The following NHLRC3 variants were observed in gnomAD, a reference collection of about 807,000 sequenced individuals.
The protein encoded by NHLRC3 is NHL repeat-containing protein 3.
NHLRC3 carries 23 observed loss-of-function variants against 32.0 expected under a neutral mutation model. The observed-to-expected ratio is 0.72, with a 90% CI of 0.52 to 1.02. NHLRC3 has a LOEUF of 1.02. Among genes scored for constraint, NHLRC3 ranks in the 50% least tolerant of loss-of-function variants. The pLI is 0.00. For synonymous variants in NHLRC3, 159 were observed against 147.9 expected, an observed-to-expected ratio of 1.08 and a Z score of -0.55; for missense variants, 407 against 406.8, an observed-to-expected ratio of 1.00 and a Z score of -0.01.
At chr13:39,044,758 A>G (rs773999126) in intron 5 of NHLRC3, among the ~76,000 whole-genome samples, 10 of 152,176 alleles carry the variant, frequency 6.6e-5, no homozygotes, top group South Asian at 2.1e-4. Context: ...TCTCTTTTGC[A>G]TTTACTCAAT....
Position 39,047,076 on chromosome 13 carries a change from G to A in NHLRC3, c.715G>A (p.Val239Ile), listed in dbSNP as rs375901249. The change falls in exon 6 of 7, where the codon GTA becomes ATA. Residue 239 changes from valine (V) to isoleucine (I), a missense_variant. Val to Ile is a conservative substitution (Grantham distance 29, BLOSUM62 3). Coordinates refer to ENST00000379600, the MANE Select transcript of NHLRC3 (RefSeq NM_001012754.4). ...VADRGNKRIQ[V>I]FDKDTGEWLG... is the part of the protein sequence containing the mutation. ...TGACCGAGGAAATAAAAGAATCCAA[G>A]TATTTGATAAAGACACTGGGGAGTG... 4.3e-6 allele frequency: 7 copies of A among 1,613,002 alleles called. No individual in the cohort carries two copies. In the African/African-American group the frequency reaches 8.0e-5, roughly 18 times the overall value.
intron 5 of NHLRC3, 22 bp from the exon 6 acceptor site, chr13:39,047,018 G>A (rs747331476): frequency 1.4e-6 from 2 of 1,417,366 alleles, no homozygotes; most frequent in African/African-American, 2.8e-5. Context: ...TTTTTCAATT[G>A]ACATTTTTGT....
chr13:39,049,558 A>G lies in NHLRC3; in HGVS notation c.*1632A>G, dbSNP rs1157159060. On this transcript the variant is annotated 3_prime_UTR_variant, in exon 7 of 7. Transcript: ENST00000379600. ...TAACAAAGGCCCTTCTAAATGTGCT[A>G]TTTATTTGACAATAACTATCAGATT... The G allele has an allele frequency of 1.3e-5, 2 of 152,230 alleles. No individual in the cohort carries two copies. The highest frequency in any genetic ancestry group is 1.3e-4 in the Admixed American group (2 of 15,284). The allele number at this position is 152,230 out of a possible 1,614,324, so 9.4% of individuals were successfully genotyped here. A position where few individuals can be genotyped will look rare whatever the true frequency, so the allele number is the denominator to read the frequency against.
chr13:39,039,091 TACC>T, intron 1 of NHLRC3, 42 bp from the exon 2 acceptor site: 4 of 1,465,230 alleles, frequency 2.7e-6, no homozygotes, highest in Non-Finnish European at 2.9e-6. Flanking sequence ...TTTTTGTTCT[TACC>T]TAGACGGTAA....
chr13:39,044,269 CTG>C, intron 5 of NHLRC3, 88 bp downstream of exon 5: 1 of 673,034 alleles, frequency 1.5e-6, no homozygotes, highest in Admixed American at 2.3e-5. Flanking sequence ...GTGTGTGTGT[CTG>C]GGCATGTATA....
chr13:39,039,078 C>CCA, intron 1 of NHLRC3, 58 bp from the exon 2 acceptor site: 6 of 1,038,052 alleles, frequency 5.8e-6, no homozygotes, highest in Non-Finnish European at 8.7e-6. Flanking sequence ...CCCCCCCGCC[C>CCA]TTTTTTTGTT....
intron 3 of NHLRC3, 29 bp from the exon 4 acceptor site, chr13:39,042,076 T>C (rs1209433013): frequency 2.3e-6 from 3 of 1,309,262 alleles, no homozygotes; most frequent in Non-Finnish European, 3.3e-6. Flanking sequence ...GTGGTTTTAT[T>C]TGTGAGATGT....
At chr13:39,047,436 G>A (rs552805039) in intron 6 of NHLRC3, among the ~76,000 whole-genome samples, 1 of 152,178 alleles carries the variant, frequency 6.6e-6, no homozygotes, top group East Asian at 1.9e-4. Context: ...ATTTCATTTT[G>A]TGGACTATGA....
intron 5 of NHLRC3, among the ~76,000 whole-genome samples, chr13:39,045,553 A>C (rs1198269666): frequency 6.6e-6 from 1 of 152,230 alleles, no homozygotes; most frequent in African/African-American, 2.4e-5. Flanking sequence ...AAGGTTAGTC[A>C]GTTCCAGACT....
upstream of NHLRC3, chr13:39,038,445 C>A (rs1254424001): frequency 1.7e-6 from 1 of 600,964 alleles, no homozygotes; most frequent in Admixed American, 2.9e-5. Context: ...AACTGGTCTT[C>A]TGTGATTTTC....
At chr13:39,039,481 T>C (rs557509811) in intron 2 of NHLRC3, 83 bp from the exon 3 acceptor site, 1 of 1,305,744 alleles carries the variant, frequency 7.7e-7, no homozygotes, top group Non-Finnish European at 1.1e-6. Context: ...AGTAAAATTC[T>C]CAGTTATTTT....
rs369355702 is a variant in NHLRC3 at position 39,043,914 on chromosome 13, T to TA, written c.587-166dup. Reference sequence around the variant, plus strand: ...ATTCCCTAAAGCAGAGAAGGAACTTTAAAAAAAAAACTGTAAGAAATGGGC... The same window carrying TA: ...ATTCCCTAAAGCAGAGAAGGAACTTTAAAAAAAAAAACTGTAAGAAATGGGC... On this transcript the variant is annotated intron_variant, in intron 4 of 6. Coordinates refer to ENST00000379600, the MANE Select transcript of NHLRC3 (RefSeq NM_001012754.4). Among the ~76,000 whole-genome samples the TA allele has an allele frequency of 4.8e-3, 708 of 148,138 alleles. 9 individuals are homozygous for TA. Among genetic ancestry groups the TA allele is most frequent in the African/African-American group, 0.016 (668 of 40,488 alleles).
At chr13:39,044,229 T>TGG in intron 5 of NHLRC3, 48 bp downstream of exon 5, 1 of 774,070 alleles carries the variant, frequency 1.3e-6, no homozygotes, top group African/African-American at 2.1e-5. Flanking sequence ...CTGAATATGT[T>TGG]TGTGTGTGTG....
chr13:39,046,822 A>G (rs1423900992), intron 5 of NHLRC3, among the ~76,000 whole-genome samples: 1 of 152,204 alleles, frequency 6.6e-6, no homozygotes, highest in African/African-American at 2.4e-5. Context: ...TTGGGTTAAG[A>G]CAGCTTTGGG....
chr13:39,040,733 C>T (rs1269416325), intron 3 of NHLRC3: 2 of 152,162 alleles, frequency 1.3e-5, no homozygotes, highest in Admixed American at 6.5e-5. Flanking sequence ...GAGAGACATC[C>T]TGGTTCTACA....
intron 1 of NHLRC3, 44 bp downstream of exon 1, chr13:39,038,767 C>T (rs368183275): frequency 4.6e-6 from 7 of 1,522,230 alleles, no homozygotes; most frequent in Non-Finnish European, 6.4e-6. Flanking sequence ...GTGCGGGTAG[C>T]CCTGTTGGGA....
At chr13:39,040,234 A>G (rs1473288609) in intron 3 of NHLRC3, 7 of 151,962 alleles carry the variant, frequency 4.6e-5, no homozygotes, top group African/African-American at 1.5e-4. Flanking sequence ...GCCTGTTAAT[A>G]TGATCTTTCC....
rs1871760604 is a variant in NHLRC3 at position 39,048,115 on chromosome 13, G to A, written c.*189G>A. 5.9e-6 allele frequency: 3 copies of A among 512,546 alleles called. No individual in the cohort carries two copies. Among genetic ancestry groups the A allele is most frequent in the Non-Finnish European group, 1.0e-5 (3 of 292,448 alleles). 31.7% of individuals were successfully genotyped at this position (512,546 alleles called of 1,614,324 possible). A position where few individuals can be genotyped will look rare whatever the true frequency, so the allele number is the denominator to read the frequency against. On this transcript the variant is annotated 3_prime_UTR_variant, in exon 7 of 7. Transcript: ENST00000379600. ...TTGGGACTTAGTTTTATTTGTAAGTGCATAAGGATATTTTAATGAAAGGAA... is the reference window on the plus strand; with the variant it reads ...TTGGGACTTAGTTTTATTTGTAAGTACATAAGGATATTTTAATGAAAGGAA...
chr13:39,047,833 A>T lies in NHLRC3; in HGVS notation c.951A>T (p.Arg317Ser). 6.2e-7 allele frequency: 1 copy of T among 1,614,168 alleles called. No homozygotes were observed. The highest frequency in any genetic ancestry group is 8.5e-7 in the Non-Finnish European group (1 of 1,179,988). ...TGCCACATCTCCTAGAAGTCGACAG[A>T]AAGACTGGAGCAGTCTATGTAGCAG... is the stretch of plus-strand genomic sequence containing the variant. ...QVLPHLLEVDRKTGAVYVAEI... is the reference protein window; with the variant it reads ...QVLPHLLEVDSKTGAVYVAEI... Residue 317 changes from arginine to serine, a missense_variant, in exon 7 of 7, where the codon AGA becomes AGT. Transcript: ENST00000379600.
Sources: allele counts gnomAD v4.1 joint callset (sites outside exome capture counted in the v4.1 genomes callset), GRCh38; gene constraint gnomAD v4.1.1; transcripts MANE v1.5; gene names NCBI Gene and HGNC (gene_info 2026-07-23, HGNC 2026-07-21).